The following RPS19BP1 variants were observed in gnomAD, a reference collection of about 807,000 sequenced individuals.
The protein encoded by RPS19BP1 is active regulator of SIRT1.
RPS19BP1 carries 14 observed loss-of-function variants against 16.6 expected under a neutral mutation model. That is an observed-to-expected ratio of 0.84 (90% CI 0.56 to 1.32). RPS19BP1 has a LOEUF of 1.32. RPS19BP1 is among the 40% of genes most tolerant of loss of function. The pLI, the probability that RPS19BP1 is intolerant of heterozygous loss-of-function variation, is 0.00. For synonymous variants in RPS19BP1, 90 were observed against 77.3 expected, an observed-to-expected ratio of 1.16 and a Z score of -0.86; for missense variants, 188 against 178.6, an observed-to-expected ratio of 1.05 and a Z score of -0.30.
At chr22:39,531,578 A>C (rs1270507636) in intron 2 of RPS19BP1, 2 of 152,194 alleles carry the variant, frequency 1.3e-5, no homozygotes. Context: ...TAAAGGCTGA[A>C]ATTCTCTGCT....
At chr22:39,529,662 A>T in intron 3 of RPS19BP1, 39 bp from the exon 4 acceptor site, 1 of 1,610,462 alleles carries the variant, frequency 6.2e-7, no homozygotes, top group Non-Finnish European at 8.5e-7. Flanking sequence ...TCATTTCAAG[A>T]GCAGAGGAGG....
At chr22:39,532,229 G>A in intron 2 of RPS19BP1, 166 bp downstream of exon 2, 1 of 855,826 alleles carries the variant, frequency 1.2e-6, no homozygotes, top group Non-Finnish European at 1.8e-6. Flanking sequence ...CCAGGACGGT[G>A]GCGTGTTCTG....
At chr22:39,532,332 ACCT>A in intron 2 of RPS19BP1, 60 bp downstream of exon 2, 1 of 1,609,584 alleles carries the variant, frequency 6.2e-7, no homozygotes, top group Admixed American at 1.7e-5. Context: ...CTCAAGCGCC[ACCT>A]CCTCTGGGGC....
In RPS19BP1 at chr22:39,532,536, A is replaced by G. The variant is rs1357723376; in HGVS notation, c.53-13T>C. ...GGGTCCCGGGGGGCTGTAGGGGAAG[A>G]GAGAGGAAGAGACCCAGGTCAGAGG... On this transcript the variant is annotated splice_polypyrimidine_tract_variant and intron_variant, in intron 1 of 3. Coordinates refer to ENST00000334678, the MANE Select transcript of RPS19BP1 (RefSeq NM_194326.4). 1 of 1,613,426 alleles carries G rather than the reference A, an allele frequency of 6.2e-7. No individual in the cohort carries two copies. The highest frequency in any genetic ancestry group is 1.1e-5 in the South Asian group (1 of 91,074).
chr22:39,530,995 C>T (rs1000962710), intron 2 of RPS19BP1: 4 of 152,260 alleles, frequency 2.6e-5, no homozygotes, highest in African/African-American at 9.6e-5. Flanking sequence ...ACCGGCTAGG[C>T]TTCTGCAATA....
intron 3 of RPS19BP1, 41 bp downstream of exon 3, chr22:39,529,779 T>C: frequency 6.2e-7 from 1 of 1,604,206 alleles, no homozygotes; most frequent in Non-Finnish European, 8.5e-7. Flanking sequence ...CAGCCTCGGC[T>C]CTCACCTCCC....
At position 39,529,615 on chromosome 22, in the gene RPS19BP1, G is replaced by A. The variant is rs780993720; in HGVS notation, c.288C>T (p.Arg96=). The change falls in exon 4 of 4, where the codon CGC becomes CGT. Residue 96 remains arginine (R), a synonymous_variant. Transcript: ENST00000334678. The part of the protein sequence containing the change: ...VAESVSQQIL[R]QNRGRKACDR... ...CACAGGCCTTGCGGCCCCGGTTCTG[G>A]CGCAAAATCTGGCGAGGGTGCGGGA... is the stretch of plus-strand genomic sequence containing the variant. The A allele has an allele frequency of 2.5e-6, 4 of 1,614,008 alleles. No individual in the cohort carries two copies. The highest frequency in any genetic ancestry group is 2.2e-5 in the South Asian group (2 of 91,084).
chr22:39,530,028 T>C, intron 2 of RPS19BP1, 111 bp from the exon 3 acceptor site: 1 of 836,460 alleles, frequency 1.2e-6, no homozygotes, highest in Non-Finnish European at 1.9e-6. Context: ...CCCAGGTTAT[T>C]ACAGCGGCTG....
At chr22:39,530,147 G>A in intron 2 of RPS19BP1, 1 of 554,398 alleles carries the variant, frequency 1.8e-6, no homozygotes. Flanking sequence ...TACTCACCAA[G>A]GGAGCTACTC....
chr22:39,529,151 G>A lies in RPS19BP1; in HGVS notation c.*341C>T, dbSNP rs1601766616. On this transcript the variant is annotated 3_prime_UTR_variant, in exon 4 of 4. Coordinates refer to ENST00000334678, the MANE Select transcript of RPS19BP1 (RefSeq NM_194326.4). Reference sequence around the variant, plus strand: ...CACCCTTCTTCCTACTCCTGGAGCTGTCGTCCCCAAGGGCTCAGGAATTAG... The same window carrying A: ...CACCCTTCTTCCTACTCCTGGAGCTATCGTCCCCAAGGGCTCAGGAATTAG... The A allele has an allele frequency of 9.7e-6, 3 of 309,750 alleles. No individual in the cohort carries two copies. The East Asian group carries it at 2.8e-4, about 29-fold the overall frequency. 19.2% of individuals were successfully genotyped at this position (309,750 alleles called of 1,614,324 possible). A position where few individuals can be genotyped will look rare whatever the true frequency, so the allele number is the denominator to read the frequency against.
chr22:39,532,418 C>A lies in RPS19BP1; in HGVS notation c.158G>T (p.Gly53Val). Residue 53 changes from glycine (G) to valine (V), a missense_variant, in exon 2 of 4, where the codon GGA becomes GTA. Gly to Val is a moderately radical substitution (Grantham distance 109). Coordinates refer to ENST00000334678, the MANE Select transcript of RPS19BP1 (RefSeq NM_194326.4). ...ACCCAGTGCCGACTTGGGCACCTTT[C>A]CCTTGGCCGAGTTCCGCAGTTTCTG... ...QAQKLRNSAKGKVPKSALDEY... is the reference protein window; with the variant it reads ...QAQKLRNSAKVKVPKSALDEY... 2 of 1,614,260 alleles carry A rather than the reference C, an allele frequency of 1.2e-6. No individual in the cohort carries two copies. Among genetic ancestry groups the A allele is most frequent in the Non-Finnish European group, 1.7e-6 (2 of 1,180,042 alleles).
At chr22:39,531,320 G>A (rs887240592) in intron 2 of RPS19BP1, 1 of 152,224 alleles carries the variant, frequency 6.6e-6, no homozygotes, top group African/African-American at 2.4e-5. Context: ...CCTGCCTCCA[G>A]ACTTTGGCTT....
In RPS19BP1 at chr22:39,532,677, C is replaced by T. The variant is rs1569030813; in HGVS notation, c.52+10G>A. 6.5e-7 allele frequency: 1 copy of T among 1,549,238 alleles called. No individual in the cohort carries two copies. Among genetic ancestry groups the T allele is most frequent in the Admixed American group, 1.9e-5 (1 of 51,640 alleles). The stretch of plus-strand genomic sequence containing the variant: ...CCCGCGCCGGACGTCCCCTGGCCAG[C>T]CCTCCTCACCCTCGGACGCCGCCAG... On this transcript the variant is annotated intron_variant, in intron 1 of 3. Transcript: ENST00000334678.
intron 2 of RPS19BP1, chr22:39,532,130 T>C (rs1457399369): frequency 6.6e-6 from 3 of 457,512 alleles, no homozygotes; most frequent in Non-Finnish European, 1.2e-5. Context: ...AGTCTTTTAA[T>C]TCATAGGCTT....
At chr22:39,530,026 AT>A in intron 2 of RPS19BP1, 109 bp from the exon 3 acceptor site, 1 of 845,700 alleles carries the variant, frequency 1.2e-6, no homozygotes, top group Non-Finnish European at 1.9e-6. Context: ...TTCCCAGGTT[AT>A]TACAGCGGCT....
rs1009893701 is a variant in RPS19BP1, at chr22:39,532,460, G to A, written c.116C>T (p.Thr39Met). The A allele has an allele frequency of 3.1e-6, 5 of 1,614,216 alleles. No homozygotes were observed. Among genetic ancestry groups the A allele is most frequent in the Non-Finnish European group, 4.2e-6 (5 of 1,180,042 alleles). The change falls in exon 2 of 4, where the codon ACG becomes ATG. Residue 39 changes from threonine (T) to methionine (M), a missense_variant. By Grantham distance (81) the Thr-to-Met change is moderately conservative (BLOSUM62 -1). Coordinates refer to ENST00000334678, the MANE Select transcript of RPS19BP1 (RefSeq NM_194326.4). ...CAGTTTCTGGGCCTGAATTGCCTTC[G>A]TCTTCCGGGGCCGTTTCACCGGAGC... ...RGAPVKRPRK[T>M]KAIQAQKLRN...
rs754372503 is a variant in RPS19BP1 at position 39,532,467 on chromosome 22, G to A, written c.109C>T (p.Arg37Trp). 9.9e-6 allele frequency: 16 copies of A among 1,614,072 alleles called. No homozygotes were observed. The Admixed American group carries it at 1.5e-4, about 15-fold the overall frequency. Residue 37 changes from arginine (R) to tryptophan (W), a missense_variant, in exon 2 of 4, where the codon CGG becomes TGG. Coordinates refer to ENST00000334678, the MANE Select transcript of RPS19BP1 (RefSeq NM_194326.4). Reference sequence around the variant, plus strand: ...TGGGCCTGAATTGCCTTCGTCTTCCGGGGCCGTTTCACCGGAGCCCCTCTC... The same window carrying A: ...TGGGCCTGAATTGCCTTCGTCTTCCAGGGCCGTTTCACCGGAGCCCCTCTC... The part of the protein sequence containing the change: ...KPRGAPVKRP[R>W]KTKAIQAQKL...
chr22:39,529,235 T>TA lies in RPS19BP1; in HGVS notation c.*256dup, dbSNP rs1262402973. 9.4e-6 allele frequency: 5 copies of TA among 529,804 alleles called. No homozygotes were observed. The highest frequency in any genetic ancestry group is 1.7e-5 in the Non-Finnish European group (5 of 297,076). 32.8% of individuals were successfully genotyped at this position (529,804 alleles called of 1,614,324 possible). A position where few individuals can be genotyped will look rare whatever the true frequency, so the allele number is the denominator to read the frequency against. ...CCTGGGCAAAAGCAAACAAAACAGA[T>TA]ACGTTCCTTTCCGGCAGGTGCAGAT... On this transcript the variant is annotated 3_prime_UTR_variant, in exon 4 of 4. Coordinates refer to ENST00000334678, the MANE Select transcript of RPS19BP1 (RefSeq NM_194326.4).
chr22:39,532,645 C>T (rs760794365), intron 1 of RPS19BP1, 42 bp downstream of exon 1: 14 of 1,581,332 alleles, frequency 8.9e-6, no homozygotes, highest in Admixed American at 7.2e-5. Context: ...CCACTACCAT[C>T]CTCCTGCCCG....
Sources: allele counts gnomAD v4.1 joint callset, GRCh38; gene constraint gnomAD v4.1.1; transcripts MANE v1.5; gene names NCBI Gene and HGNC (gene_info 2026-07-23, HGNC 2026-07-21).